The following USP13 variants were observed in gnomAD, a reference collection of about 807,000 sequenced individuals.
USP13 encodes the protein ubiquitin specific peptidase 13, also known as ubiquitin carboxyl-terminal hydrolase 13.
USP13 carries 68 observed loss-of-function variants against 107.8 expected under a neutral mutation model. The observed-to-expected ratio is 0.63, with a 90% CI of 0.52 to 0.77. The LOEUF is 0.77. Among genes scored for constraint, USP13 ranks in the 30% least tolerant of loss-of-function variants. USP13 has a pLI of 0.00. For missense variants in USP13, 945 were observed against 1,093.3 expected (o/e 0.86, Z 1.91); for synonymous variants, 377 against 389.5 (o/e 0.97, Z 0.38).
chr3:179,707,182 A>T, intron 5 of USP13, 106 bp downstream of exon 5: 1 of 1,359,836 alleles, frequency 7.4e-7, no homozygotes, highest in Non-Finnish European at 9.8e-7. Flanking sequence ...TTCTTACCAG[A>T]TGCCTTTTAT....
Position 179,742,025 on chromosome 3 carries a change from A to G in USP13, c.1381-172A>G, listed in dbSNP as rs555515972. On this transcript the variant is annotated intron_variant, in intron 11 of 20. Transcript: ENST00000263966. The surrounding 1 kb of genome is among the most constrained non-coding windows in gnomAD (Gnocchi z 5.0). The stretch of plus-strand genomic sequence containing the variant: ...TTATTTTACCAATCCCCATTTTTGG[A>G]CTTTAGATAAATTCCAGTGTTTTTC... Among the ~76,000 whole-genome samples, 1 of 152,180 alleles carries G rather than the reference A, an allele frequency of 6.6e-6. No homozygotes were observed. The highest frequency in any genetic ancestry group is 2.1e-4 in the South Asian group (1 of 4,820).
intron 1 of USP13, among the ~76,000 whole-genome samples, chr3:179,654,782 G>C (rs1257218719): frequency 6.6e-6 from 1 of 152,182 alleles, no homozygotes; most frequent in African/African-American, 2.4e-5. Context: ...TTTATTATCT[G>C]TGGGTTGATT....
chr3:179,713,838 A>G (rs1713011434), intron 6 of USP13, among the ~76,000 whole-genome samples: 1 of 152,092 alleles, frequency 6.6e-6, no homozygotes, highest in Non-Finnish European at 1.5e-5. Flanking sequence ...TTCCCCCAAT[A>G]AGGACATATT....
intron 8 of USP13, among the ~76,000 whole-genome samples, chr3:179,723,755 A>G (rs917676869): frequency 1.3e-5 from 2 of 152,190 alleles, no homozygotes; most frequent in African/African-American, 4.8e-5. Context: ...CTTTGACCAA[A>G]TATCACTGGA....
chr3:179,660,168 C>CGCATTGTTGTGTAACTATCACTAT (rs1258103019), intron 1 of USP13, among the ~76,000 whole-genome samples: 1 of 152,214 alleles, frequency 6.6e-6, no homozygotes, highest in Non-Finnish European at 1.5e-5. Flanking sequence ...AAATTACATT[C>CGCATTGTTGTGTAACTATCACTAT]GCATTGTTGT....
At chr3:179,776,406 A>G (rs1279758809) in intron 19 of USP13, among the ~76,000 whole-genome samples, 1 of 152,160 alleles carries the variant, frequency 6.6e-6, no homozygotes, top group Non-Finnish European at 1.5e-5. Flanking sequence ...TCCAAGTTTC[A>G]TAAACTCTTT....
At chr3:179,727,372 A>G (rs1269653561) in intron 8 of USP13, among the ~76,000 whole-genome samples, 1 of 118,698 alleles carries the variant, frequency 8.4e-6, no homozygotes, top group African/African-American at 3.1e-5. Flanking sequence ...ATGACTCTTA[A>G]GGAGCATGCT....
chr3:179,699,747 T>TTTATTTATTTA (rs375589534), intron 3 of USP13, among the ~76,000 whole-genome samples: 23 of 138,040 alleles, frequency 1.7e-4, no homozygotes, highest in Non-Finnish European at 3.0e-4. Flanking sequence ...ATCTTATTTA[T>TTTATTTATTTA]TTTATTTATT....
chr3:179,765,605 T>C, intron 18 of USP13, 90 bp from the exon 19 acceptor site: 1 of 1,480,534 alleles, frequency 6.8e-7, no homozygotes, highest in South Asian at 1.4e-5. Context: ...TCCTTCCCTA[T>C]CTGCCTGACA....
At chr3:179,740,138 G>A in intron 10 of USP13, 109 bp from the exon 11 acceptor site, 1 of 1,497,034 alleles carries the variant, frequency 6.7e-7, no homozygotes, top group Non-Finnish European at 9.1e-7. Flanking sequence ...TTGGGCTGTA[G>A]TTTTCTCATC....
At chr3:179,699,699 CAA>C (rs10646420) in intron 3 of USP13, among the ~76,000 whole-genome samples, 1 of 118,196 alleles carries the variant, frequency 8.5e-6, no homozygotes, top group African/African-American at 3.3e-5. Context: ...CACCCTGCCT[CAA>C]AAAAAAAAAA....
At chr3:179,749,752 C>A (rs1274821186) in intron 13 of USP13, among the ~76,000 whole-genome samples, 3 of 152,092 alleles carry the variant, frequency 2.0e-5, no homozygotes, top group African/African-American at 7.2e-5. Flanking sequence ...TATCCCTGCC[C>A]CAACCTTGAG....
chr3:179,679,858 A>G (rs1711587578), intron 1 of USP13, among the ~76,000 whole-genome samples: 1 of 136,226 alleles, frequency 7.3e-6, no homozygotes, highest in Admixed American at 8.3e-5. Flanking sequence ...AGCAACTTGC[A>G]GTGGTTAGCA....
chr3:179,708,034 A>C (rs16830743), intron 5 of USP13, among the ~76,000 whole-genome samples: 14,275 of 152,268 alleles, frequency 0.094, 967 homozygotes, highest in African/African-American at 0.19. Flanking sequence ...TTTGCAGTGT[A>C]GTCGGATTTG....
rs774483468 is a variant in USP13 at position 179,681,015 on chromosome 3, C to A, written c.169-863C>A. 2.6e-5 allele frequency among the ~76,000 whole-genome samples: 4 copies of A among 152,076 alleles called. 1 individual carries two copies. The highest frequency in any genetic ancestry group is 4.4e-5 in the Non-Finnish European group (3 of 68,016). On this transcript the variant is annotated intron_variant, in intron 1 of 20. Coordinates refer to ENST00000263966, the MANE Select transcript of USP13 (RefSeq NM_003940.3). ...TCACAGTGAAAATTTTGCCAACTTT[C>A]TTCTATCTTTCTCTTCCTTTGCTCT...
At chr3:179,737,400 C>T (rs1714030410) in intron 10 of USP13, among the ~76,000 whole-genome samples, 1 of 152,188 alleles carries the variant, frequency 6.6e-6, no homozygotes, top group Admixed American at 6.5e-5. Flanking sequence ...TTCATCCAAG[C>T]ACCTGAGATT....
intron 1 of USP13, among the ~76,000 whole-genome samples, chr3:179,664,537 G>C (rs1358181659): frequency 6.6e-6 from 1 of 152,124 alleles, no homozygotes; most frequent in African/African-American, 2.4e-5. Context: ...TCCCACATTG[G>C]GCCCCTCAGG....
intron 4 of USP13, among the ~76,000 whole-genome samples, chr3:179,706,360 C>T (rs912503895): frequency 3.9e-5 from 6 of 152,122 alleles, no homozygotes; most frequent in East Asian, 3.9e-4. Context: ...CAGTTGGTGC[C>T]GAGCAGTTCA....
chr3:179,699,634 A>G (rs1479558070), intron 3 of USP13, among the ~76,000 whole-genome samples: 1 of 142,668 alleles, frequency 7.0e-6, no homozygotes. Flanking sequence ...TGGGAGTTTG[A>G]TGTTGTAGTA....
Sources: allele counts gnomAD v4.1 joint callset (sites outside exome capture counted in the v4.1 genomes callset), GRCh38; gene constraint gnomAD v4.1.1; non-coding constraint Gnocchi (gnomAD v3.1); transcripts MANE v1.5; gene names NCBI Gene and HGNC (gene_info 2026-07-23, HGNC 2026-07-21).